MACROD2: variants seen among roughly 807,000 people sequenced by gnomAD.
MACROD2 encodes mono-ADP ribosylhydrolase 2, also known as ADP-ribose glycohydrolase MACROD2.
A neutral mutation model predicts 70.4 loss-of-function variants in MACROD2; 36 were observed. That is an observed-to-expected ratio of 0.51 (90% CI 0.39 to 0.68). MACROD2 has a LOEUF of 0.68. MACROD2 is among the 30% of genes least tolerant of loss of function. The probability of loss-of-function intolerance (pLI) is 0.00; values close to 1 mark genes in which losing one functional copy is unlikely to be tolerated. For missense variants in MACROD2, 496 were observed against 538.4 expected (o/e 0.92, Z 0.78); for synonymous variants, 172 against 178.8 (o/e 0.96, Z 0.30).
At chr20:15,626,982 AAGAG>A (rs1568937550) in intron 8 of MACROD2, among the ~76,000 whole-genome samples, 1 of 152,144 alleles carries the variant, frequency 6.6e-6, no homozygotes, top group African/African-American at 2.4e-5. Context: ...AAGAGAGAAG[AAGAG>A]AGAGAGATGC....
intron 5 of MACROD2, among the ~76,000 whole-genome samples, chr20:15,140,022 A>G (rs1490343166): frequency 1.3e-5 from 2 of 152,124 alleles, no homozygotes; most frequent in East Asian, 1.9e-4. Context: ...CTTTTTTCTT[A>G]TTTGGTAACT....
intron 3 of MACROD2, among the ~76,000 whole-genome samples, chr20:14,106,946 G>A (rs1445354799): frequency 1.3e-5 from 2 of 152,130 alleles, no homozygotes; most frequent in Non-Finnish European, 1.5e-5. Flanking sequence ...AGCCCAGACT[G>A]TGAAGACTAC....
intron 10 of MACROD2, among the ~76,000 whole-genome samples, chr20:15,894,561 G>T (rs1378869934): frequency 6.6e-6 from 1 of 152,116 alleles, no homozygotes; most frequent in Non-Finnish European, 1.5e-5. Context: ...CCTTCTCCCA[G>T]GCTTACTGTA....
chr20:15,676,191 G>A (rs1347141616), intron 8 of MACROD2, among the ~76,000 whole-genome samples: 1 of 152,064 alleles, frequency 6.6e-6, no homozygotes, highest in Non-Finnish European at 1.5e-5. Context: ...CTTTATTAAA[G>A]GAATCTGCAT....
intron 7 of MACROD2, among the ~76,000 whole-genome samples, chr20:15,467,248 C>A (rs1212614834): frequency 1.3e-5 from 2 of 152,238 alleles, no homozygotes; most frequent in African/African-American, 4.8e-5. Context: ...GACAAGCCAA[C>A]TCCGAAGTGT....
chr20:14,056,853 T>C (rs1024174175), intron 2 of MACROD2, among the ~76,000 whole-genome samples: 2 of 151,934 alleles, frequency 1.3e-5, no homozygotes, highest in African/African-American at 4.8e-5. Flanking sequence ...GTGCTTCAGC[T>C]ATCATGTATT....
intron 5 of MACROD2, among the ~76,000 whole-genome samples, chr20:15,150,152 A>T (rs974715004): frequency 6.6e-6 from 1 of 151,980 alleles, no homozygotes; most frequent in Non-Finnish European, 1.5e-5. Flanking sequence ...ATGAGGAAGA[A>T]ATTTGGGCTT....
chr20:15,150,109 T>A (rs1668520811), intron 5 of MACROD2, among the ~76,000 whole-genome samples: 1 of 151,870 alleles, frequency 6.6e-6, no homozygotes, highest in Non-Finnish European at 1.5e-5. Context: ...AGCACATGTG[T>A]TTTTATGAGA....
intron 6 of MACROD2, among the ~76,000 whole-genome samples, chr20:15,348,296 G>A (rs957562124): frequency 1.3e-5 from 2 of 152,314 alleles, no homozygotes; most frequent in Admixed American, 6.5e-5. Flanking sequence ...AACCAGGAGC[G>A]CTGCCCCCTG....
At chr20:14,096,575 G>T (rs1039595621) in intron 3 of MACROD2, among the ~76,000 whole-genome samples, 1 of 151,940 alleles carries the variant, frequency 6.6e-6, no homozygotes, top group African/African-American at 2.4e-5. Flanking sequence ...TGCCATGTTG[G>T]CCAAACTGGT....
chr20:14,385,348 G>C (rs1257544267), intron 3 of MACROD2, among the ~76,000 whole-genome samples: 1 of 152,086 alleles, frequency 6.6e-6, no homozygotes, highest in Non-Finnish European at 1.5e-5. Context: ...TATTGTTTCA[G>C]TGTTGTTTAC....
intron 8 of MACROD2, among the ~76,000 whole-genome samples, chr20:15,728,589 C>T (rs2050898265): frequency 6.6e-6 from 1 of 152,086 alleles, no homozygotes; most frequent in Non-Finnish European, 1.5e-5. Context: ...CATCATTGGT[C>T]CATTCAGGGA....
intron 3 of MACROD2, among the ~76,000 whole-genome samples, chr20:14,394,729 GT>G (rs934413335): frequency 1.9e-4 from 29 of 152,258 alleles, no homozygotes; most frequent in African/African-American, 6.7e-4. Context: ...GCTGCAGGTT[GT>G]TTTTAAAAAA....
chr20:14,693,267 A>T (rs1452518431), intron 5 of MACROD2, among the ~76,000 whole-genome samples: 1 of 152,190 alleles, frequency 6.6e-6, no homozygotes, highest in African/African-American at 2.4e-5. Flanking sequence ...TACAGGGATA[A>T]TCATTTTCAG....
chr20:15,586,018 G>A (rs562142408), intron 8 of MACROD2, among the ~76,000 whole-genome samples: 4 of 152,218 alleles, frequency 2.6e-5, no homozygotes, highest in African/African-American at 7.2e-5. Flanking sequence ...TGTAACAGAC[G>A]AAAGCTCTTA....
intron 5 of MACROD2, among the ~76,000 whole-genome samples, chr20:14,867,306 A>G (rs188495271): frequency 3.3e-5 from 5 of 152,210 alleles, no homozygotes; most frequent in South Asian, 2.1e-4. Flanking sequence ...TAGATTTTGA[A>G]CCTTGATACT....
chr20:15,540,681 T>C (rs2047943190), intron 8 of MACROD2, among the ~76,000 whole-genome samples: 1 of 152,180 alleles, frequency 6.6e-6, no homozygotes, highest in South Asian at 2.1e-4. Flanking sequence ...ATGTACTGCC[T>C]CACAGTACTG....
At chr20:15,799,824 A>T (rs533147731) in intron 8 of MACROD2, among the ~76,000 whole-genome samples, 51 of 152,332 alleles carry the variant, frequency 3.3e-4, no homozygotes, top group African/African-American at 1.0e-3. Flanking sequence ...GGACTGCTAT[A>T]TCATATGGTA....
intron 5 of MACROD2, among the ~76,000 whole-genome samples, chr20:15,222,257 GA>G (rs2076868486): frequency 6.6e-6 from 1 of 152,138 alleles, no homozygotes; most frequent in Admixed American, 6.5e-5. Flanking sequence ...CATTTTCAAT[GA>G]TATCTTCGGC....
Sources: allele counts gnomAD v4.1 joint callset (sites outside exome capture counted in the v4.1 genomes callset), GRCh38; gene constraint gnomAD v4.1.1; transcripts MANE v1.5; gene names NCBI Gene and HGNC (gene_info 2026-07-23, HGNC 2026-07-21).